Variants in TPST1 observed in about 807,000 individuals in gnomAD.
The protein encoded by TPST1 is protein-tyrosine sulfotransferase 1.
TPST1 carries 20 observed loss-of-function variants against 34.8 expected under a neutral mutation model. The observed-to-expected ratio is 0.57, with a 90% CI of 0.40 to 0.84. The LOEUF is 0.84. Among genes scored for constraint, TPST1 ranks in the 40% least tolerant of loss-of-function variants. The pLI, the probability that TPST1 is intolerant of heterozygous loss-of-function variation, is 0.00. For missense variants in TPST1, 353 were observed against 455.5 expected, an observed-to-expected ratio of 0.78 and a Z score of 2.05; for synonymous variants, 152 against 159.4, an observed-to-expected ratio of 0.95 and a Z score of 0.35.
rs1789116697 is a variant in TPST1 at position 66,205,844 on chromosome 7, T to C, written c.-102+322T>C. The C allele has an allele frequency of 1.3e-5, 2 of 152,506 alleles. No individual in the cohort carries two copies. The highest frequency in any genetic ancestry group is 4.8e-5 in the African/African-American group (2 of 41,442). 9.4% of individuals were successfully genotyped at this position (152,506 alleles called of 1,614,324 possible). On this transcript the variant is annotated intron_variant, in intron 1 of 5. Coordinates refer to ENST00000304842, the MANE Select transcript of TPST1 (RefSeq NM_003596.4). The surrounding 1 kb of genome is among the most constrained non-coding windows in gnomAD (Gnocchi z 5.0). ...AGTCCCCTGGGATGAGACCCTCGTC[T>C]CGCCGGGATCGGACATTTGCCCCCA...
intron 3 of TPST1, among the ~76,000 whole-genome samples, chr7:66,310,668 T>G (rs1310027131): frequency 1.3e-5 from 2 of 152,148 alleles, no homozygotes; most frequent in East Asian, 3.8e-4. Context: ...AACATTTCCC[T>G]TTTTGACTGT....
At chr7:66,236,028 C>G (rs1044816057) in intron 1 of TPST1, among the ~76,000 whole-genome samples, 5 of 151,996 alleles carry the variant, frequency 3.3e-5, no homozygotes, top group Non-Finnish European at 7.4e-5. Flanking sequence ...ATAAATTACA[C>G]TTCAATACAG....
At chr7:66,348,364 TCA>T (rs1792398274) in intron 3 of TPST1, among the ~76,000 whole-genome samples, 1 of 152,226 alleles carries the variant, frequency 6.6e-6, no homozygotes, top group Admixed American at 6.5e-5. Flanking sequence ...TCTCTGTGTC[TCA>T]GTTGCTTCAT....
chr7:66,295,578 G>A lies in TPST1; in HGVS notation c.1044+8869G>A, dbSNP rs1268677859. 4.6e-5 allele frequency among the ~76,000 whole-genome samples: 7 copies of A among 152,202 alleles called. No homozygotes were observed. In the East Asian group the frequency reaches 1.4e-3, roughly 29 times the overall value. ...AGGTAATTTATTTTAGATTTTTGTT[G>A]GTTTTAATAGATTTCATTGATTAAT... On this transcript the variant is annotated intron_variant, in intron 3 of 5. Coordinates refer to ENST00000304842, the MANE Select transcript of TPST1 (RefSeq NM_003596.4).
chr7:66,310,893 A>G (rs1791517942), intron 3 of TPST1, among the ~76,000 whole-genome samples: 1 of 151,924 alleles, frequency 6.6e-6, no homozygotes, highest in South Asian at 2.1e-4. Flanking sequence ...TGGCACGATC[A>G]TAGCTTACTG....
In TPST1 at chr7:66,240,453, C is replaced by T. The variant is rs1438643230; in HGVS notation, c.28C>T (p.Leu10=). The change falls in exon 2 of 6, where the codon CTA becomes TTA. Residue 10 remains leucine (L), a synonymous_variant. Transcript: ENST00000304842. ...GGTTGGAAAGCTGAAGCAGAACTTA[C>T]TATTGGCATGTCTGGTGATTAGTTC... MVGKLKQNL[L]LACLVISSVT... 4 of 1,613,924 alleles carry T rather than the reference C, an allele frequency of 2.5e-6. No homozygotes were observed. Among genetic ancestry groups the T allele is most frequent in the Non-Finnish European group, 8.5e-7 (1 of 1,179,972 alleles).
At chr7:66,236,815 T>C (rs1259015922) in intron 1 of TPST1, among the ~76,000 whole-genome samples, 4 of 152,200 alleles carry the variant, frequency 2.6e-5, no homozygotes, top group Non-Finnish European at 5.9e-5. Flanking sequence ...ACACACTTTA[T>C]AATTGTTTTC....
At chr7:66,296,248 C>G (rs56167110) in intron 3 of TPST1, among the ~76,000 whole-genome samples, 2 of 58,106 alleles carry the variant, frequency 3.4e-5, no homozygotes, top group Admixed American at 2.2e-4. Context: ...ACCCACCCTT[C>G]CCCCCCCCCT....
chr7:66,214,111 A>G (rs1789336520), intron 1 of TPST1, among the ~76,000 whole-genome samples: 1 of 152,072 alleles, frequency 6.6e-6, no homozygotes, highest in South Asian at 2.1e-4. Context: ...CATTACCACA[A>G]TCAATTTTAG....
At chr7:66,346,345 G>C (rs1022357474) in intron 3 of TPST1, among the ~76,000 whole-genome samples, 1 of 152,084 alleles carries the variant, frequency 6.6e-6, no homozygotes. Context: ...TATATTCCTA[G>C]TAGTGGGATT....
chr7:66,217,467 T>G (rs1024452238), intron 1 of TPST1, among the ~76,000 whole-genome samples: 2 of 152,254 alleles, frequency 1.3e-5, no homozygotes, highest in African/African-American at 4.8e-5. Flanking sequence ...GTGGTAACAA[T>G]TTTTGTCTTA....
chr7:66,266,703 AAAG>A (rs1440903409), intron 2 of TPST1, among the ~76,000 whole-genome samples: 1 of 152,250 alleles, frequency 6.6e-6, no homozygotes, highest in Non-Finnish European at 1.5e-5. Context: ...TCAGCAATAA[AAAG>A]AAGCAAACCA....
Position 66,340,968 on chromosome 7 carries a change from G to A in TPST1, c.1045-11537G>A, listed in dbSNP as rs1274500516. Among the ~76,000 whole-genome samples, 3 of 152,150 alleles carry A rather than the reference G, an allele frequency of 2.0e-5. No homozygotes were observed. The East Asian group carries it at 5.8e-4, about 29-fold the overall frequency. On this transcript the variant is annotated intron_variant, in intron 3 of 5. Coordinates refer to ENST00000304842, the MANE Select transcript of TPST1 (RefSeq NM_003596.4). ...AGAGGGTGCACCAAGCCGAGATCATGCCACTGCACTCCAGCCTGGGTGACA... is the reference window on the plus strand; with the variant it reads ...AGAGGGTGCACCAAGCCGAGATCATACCACTGCACTCCAGCCTGGGTGACA...
chr7:66,248,618 C>T (rs1470318602), intron 2 of TPST1, among the ~76,000 whole-genome samples: 1 of 151,412 alleles, frequency 6.6e-6, no homozygotes, highest in Non-Finnish European at 1.5e-5. Flanking sequence ...ACTCTTCTGC[C>T]TCAGCTTCCT....
At chr7:66,204,806 T>C (rs1281049517), upstream of TPST1, among the ~76,000 whole-genome samples, 1 of 152,194 alleles carries the variant, frequency 6.6e-6, no homozygotes, top group Non-Finnish European at 1.5e-5. Flanking sequence ...GGGGATGAAA[T>C]AGTGTTTGAG....
At chr7:66,235,789 A>T (rs1789900679) in intron 1 of TPST1, among the ~76,000 whole-genome samples, 1 of 152,158 alleles carries the variant, frequency 6.6e-6, no homozygotes, top group South Asian at 2.1e-4. Flanking sequence ...CAATCAATAT[A>T]TGTAAGAAGT....
At chr7:66,229,447 A>G (rs1789732643) in intron 1 of TPST1, among the ~76,000 whole-genome samples, 1 of 152,174 alleles carries the variant, frequency 6.6e-6, no homozygotes. Flanking sequence ...TGCCTTTGAG[A>G]TTCATCCAAG....
chr7:66,206,066 T>C (rs1278164108), intron 1 of TPST1: 1 of 151,098 alleles, frequency 6.6e-6, no homozygotes, highest in Non-Finnish European at 1.5e-5. Context: ...TCCTCTTCCT[T>C]CTCTTACTCT....
intron 1 of TPST1, among the ~76,000 whole-genome samples, chr7:66,209,246 A>G (rs923309647): frequency 3.3e-5 from 5 of 152,190 alleles, no homozygotes; most frequent in Non-Finnish European, 5.9e-5. Context: ...CAGCAGAGTG[A>G]GACTCCATCT....
Sources: allele counts gnomAD v4.1 joint callset (sites outside exome capture counted in the v4.1 genomes callset), GRCh38; gene constraint gnomAD v4.1.1; non-coding constraint Gnocchi (gnomAD v3.1); transcripts MANE v1.5; gene names NCBI Gene and HGNC (gene_info 2026-07-23, HGNC 2026-07-21).